Variants in CTNND2 observed in about 807,000 individuals in gnomAD.
CTNND2 encodes the protein catenin delta 2.
CTNND2 carries 22 observed loss-of-function variants against 144.4 expected under a neutral mutation model. The observed-to-expected ratio is 0.15, with a 90% CI of 0.11 to 0.22. CTNND2 has a LOEUF of 0.22. CTNND2 is among the 10% of genes least tolerant of loss of function. The pLI, the probability that CTNND2 is intolerant of heterozygous loss-of-function variation, is 1.00. For synonymous variants in CTNND2, 751 were observed against 695.6 expected, an observed-to-expected ratio of 1.08 and a Z score of -1.25; for missense variants, 1,353 against 1,618.8, an observed-to-expected ratio of 0.84 and a Z score of 2.82.
At chr5:11,100,328 G>A (rs1400002486) in intron 14 of CTNND2, among the ~76,000 whole-genome samples, 1 of 152,176 alleles carries the variant, frequency 6.6e-6, no homozygotes, top group Non-Finnish European at 1.5e-5. Context: ...GACACTCAGT[G>A]TGGGAAGCTT....
At chr5:11,152,250 G>A (rs1224800296) in intron 12 of CTNND2, among the ~76,000 whole-genome samples, 1 of 152,210 alleles carries the variant, frequency 6.6e-6, no homozygotes, top group Non-Finnish European at 1.5e-5. Flanking sequence ...ATATTATGCA[G>A]TAATTTCAAC....
intron 20 of CTNND2, among the ~76,000 whole-genome samples, chr5:10,986,469 A>C (rs17772741): frequency 0.39 from 59,551 of 152,128 alleles, 12,041 homozygotes; most frequent in African/African-American, 0.49. Flanking sequence ...GCACATTGAA[A>C]GGGTCAGTTG....
intron 16 of CTNND2, among the ~76,000 whole-genome samples, chr5:11,075,988 T>C (rs1391703815): frequency 6.6e-6 from 1 of 152,232 alleles, no homozygotes; most frequent in East Asian, 1.9e-4. Flanking sequence ...ACCAGTTAAT[T>C]CATTCAGCAA....
chr5:11,501,401 C>T (rs368565038), intron 3 of CTNND2, among the ~76,000 whole-genome samples: 20 of 152,274 alleles, frequency 1.3e-4, no homozygotes, highest in African/African-American at 4.6e-4. Flanking sequence ...CAAGAGTTCC[C>T]ACACTTTACA....
At chr5:11,836,469 T>TTC (rs1437442988) in intron 1 of CTNND2, among the ~76,000 whole-genome samples, 9 of 152,130 alleles carry the variant, frequency 5.9e-5, no homozygotes, top group Admixed American at 4.6e-4. Context: ...GACACTATGG[T>TTC]TCTGCAAAGT....
At chr5:11,890,625 A>G (rs762599141) in intron 1 of CTNND2, among the ~76,000 whole-genome samples, 6 of 152,234 alleles carry the variant, frequency 3.9e-5, no homozygotes, top group Non-Finnish European at 5.9e-5. Flanking sequence ...TATGTGTACT[A>G]TATCAGTAAA....
intron 9 of CTNND2, among the ~76,000 whole-genome samples, chr5:11,288,683 G>A (rs1358157709): frequency 6.6e-6 from 1 of 152,216 alleles, no homozygotes; most frequent in Admixed American, 6.5e-5. Flanking sequence ...AAAGAAGGAA[G>A]AGACTGAGTG....
chr5:11,002,631 A>C (rs959684828), intron 18 of CTNND2, among the ~76,000 whole-genome samples: 1 of 152,190 alleles, frequency 6.6e-6, no homozygotes, highest in Non-Finnish European at 1.5e-5. Context: ...AAGGTGTTTC[A>C]ACAGATGAGA....
At chr5:11,334,505 A>T (rs530088351) in intron 9 of CTNND2, among the ~76,000 whole-genome samples, 1 of 152,280 alleles carries the variant, frequency 6.6e-6, no homozygotes, top group Admixed American at 6.5e-5. Flanking sequence ...GGCTGATTTC[A>T]TATCTGTCTT....
intron 16 of CTNND2, among the ~76,000 whole-genome samples, chr5:11,048,098 C>A (rs185608229): frequency 2.6e-4 from 40 of 152,284 alleles, no homozygotes; most frequent in Admixed American, 2.5e-3. Context: ...CTTCAGTACC[C>A]TCCTTGAGGC....
At chr5:11,006,001 A>C (rs1205683234) in intron 18 of CTNND2, among the ~76,000 whole-genome samples, 1 of 152,184 alleles carries the variant, frequency 6.6e-6, no homozygotes, top group Non-Finnish European at 1.5e-5. Flanking sequence ...TGGTTTGTGA[A>C]GGGATCTTGC....
intron 1 of CTNND2, among the ~76,000 whole-genome samples, chr5:11,780,452 C>T (rs1396334791): frequency 2.0e-5 from 3 of 152,142 alleles, no homozygotes; most frequent in Admixed American, 6.6e-5. Context: ...ATGGCTGCTG[C>T]TCCCAGCAAA....
At chr5:11,635,169 A>G (rs911814800) in intron 2 of CTNND2, among the ~76,000 whole-genome samples, 2 of 152,138 alleles carry the variant, frequency 1.3e-5, no homozygotes, top group African/African-American at 4.8e-5. Context: ...GGCAGTGCAA[A>G]GAGAGTTTTT....
intron 1 of CTNND2, among the ~76,000 whole-genome samples, chr5:11,807,412 G>C (rs1045752987): frequency 6.6e-5 from 10 of 152,092 alleles, no homozygotes; most frequent in African/African-American, 2.4e-4. Context: ...ATAACTCTAA[G>C]TCCTTGTGTT....
chr5:11,614,273 T>C (rs926419159), intron 2 of CTNND2, among the ~76,000 whole-genome samples: 18 of 152,218 alleles, frequency 1.2e-4, no homozygotes, highest in African/African-American at 4.3e-4. Flanking sequence ...TTTACAAAGT[T>C]ACATAATGAT....
intron 12 of CTNND2, among the ~76,000 whole-genome samples, chr5:11,151,448 T>C (rs1031597138): frequency 2.6e-5 from 4 of 152,258 alleles, no homozygotes; most frequent in Non-Finnish European, 5.9e-5. Flanking sequence ...AAATATCTAT[T>C]AAACATCATT....
rs186917227 is a variant in CTNND2, at chr5:11,300,768, T to C, written c.1628+45604A>G. On this transcript the variant is annotated intron_variant, in intron 9 of 21. Transcript: ENST00000304623. ...ATCTGGCTACCTTAGACCCTCTCCA[T>C]GACGAGCTAAGCCACTACTCTTTTG... Among the ~76,000 whole-genome samples the C allele has an allele frequency of 2.0e-5, 3 of 152,236 alleles. No individual in the cohort carries two copies. The South Asian group carries it at 6.2e-4, about 32-fold the overall frequency.
intron 11 of CTNND2, among the ~76,000 whole-genome samples, chr5:11,181,760 G>A (rs1458280063): frequency 1.3e-5 from 1 of 79,916 alleles, no homozygotes; most frequent in Non-Finnish European, 3.2e-5. Flanking sequence ...ATGTGTGTAT[G>A]TGTGTGTGTG....
chr5:11,637,873 T>A (rs1229533835), intron 2 of CTNND2, among the ~76,000 whole-genome samples: 1 of 152,182 alleles, frequency 6.6e-6, no homozygotes, highest in Non-Finnish European at 1.5e-5. Flanking sequence ...ACTTTATAGA[T>A]TAAGACATTT....
Sources: gnomAD v4.1 joint callset for allele counts (sites outside exome capture counted in the v4.1 genomes callset) on GRCh38, gnomAD v4.1.1 for gene constraint, MANE v1.5 for transcripts, NCBI Gene and HGNC (gene_info 2026-07-23, HGNC 2026-07-21) for gene names.